DCAF1: variants seen among roughly 807,000 people sequenced by gnomAD.
The protein encoded by DCAF1 is DDB1 and CUL4 associated factor 1, also known as DDB1- and CUL4-associated factor 1.
A neutral mutation model predicts 128.0 loss-of-function variants in DCAF1; 15 were observed. That is an observed-to-expected ratio of 0.12 (90% CI 0.08 to 0.18). The LOEUF (loss-of-function observed/expected upper bound fraction) is 0.18. Among genes scored for constraint, DCAF1 ranks in the 10% least tolerant of loss-of-function variants. DCAF1 has a pLI of 1.00. For synonymous variants in DCAF1, 610 were observed against 603.0 expected, an observed-to-expected ratio of 1.01 and a Z score of -0.17; for missense variants, 988 against 1,649.5, an observed-to-expected ratio of 0.60 and a Z score of 6.95.
intron 9 of DCAF1, among the ~76,000 whole-genome samples, chr3:51,440,554 G>C (rs782413073): frequency 1.3e-5 from 2 of 152,066 alleles, no homozygotes; most frequent in African/African-American, 4.8e-5. Flanking sequence ...AGTGAGCTAT[G>C]ATCACCCCAT....
intron 24 of DCAF1, among the ~76,000 whole-genome samples, chr3:51,402,499 A>G (rs1386679164): frequency 6.6e-6 from 1 of 151,338 alleles, no homozygotes; most frequent in Non-Finnish European, 1.5e-5. Context: ...CGGATTGTCT[A>G]TGACTGCTTT....
At chr3:51,435,482 C>G (rs1700724393) in intron 9 of DCAF1, among the ~76,000 whole-genome samples, 1 of 152,170 alleles carries the variant, frequency 6.6e-6, no homozygotes, top group South Asian at 2.1e-4. Flanking sequence ...TTCCTCATTT[C>G]TATTCCATTT....
rs1553623805 is a variant in DCAF1 at position 51,398,410 on chromosome 3, A to G, written c.*359T>C. The G allele has an allele frequency of 5.5e-6, 1 of 180,510 alleles. No homozygotes were observed. Among genetic ancestry groups the G allele is most frequent in the Non-Finnish European group, 1.1e-5 (1 of 87,040 alleles). The allele number at this position is 180,510 out of a possible 1,614,324, so 11.2% of individuals were successfully genotyped here. ...TTTTTCCTTTTTAAAGTTTTATAAAAAACTATTTCTTGTTCTTTAAGTAAA... is the reference window on the plus strand; with the variant it reads ...TTTTTCCTTTTTAAAGTTTTATAAAGAACTATTTCTTGTTCTTTAAGTAAA... On this transcript the variant is annotated 3_prime_UTR_variant, in exon 25 of 25. Coordinates refer to ENST00000684031, the MANE Select transcript of DCAF1 (RefSeq NM_001387579.1).
At chr3:51,444,355 C>CT (rs1206206700) in intron 6 of DCAF1, among the ~76,000 whole-genome samples, 2 of 148,756 alleles carry the variant, frequency 1.3e-5, no homozygotes, top group Non-Finnish European at 3.0e-5. Context: ...TCAGAACCTT[C>CT]TTTTTAAAAA....
At chr3:51,419,588 CAA>C in intron 15 of DCAF1, 144 bp downstream of exon 15, 2 of 1,388,658 alleles carry the variant, frequency 1.4e-6, no homozygotes, top group South Asian at 3.1e-5. Flanking sequence ...CCATGGTTGA[CAA>C]AAGGTGGTAC....
At position 51,441,821 on chromosome 3, in the gene DCAF1, C is replaced by T; in HGVS notation, c.590G>A (p.Ser197Asn). 4.3e-6 allele frequency: 7 copies of T among 1,613,772 alleles called. No homozygotes were observed. The highest frequency in any genetic ancestry group is 5.9e-6 in the Non-Finnish European group (7 of 1,179,866). Reference sequence around the variant, plus strand: ...GGGTTCAGAAGAGAGCTTCCGTGGACTGGGACGCTTGTTTTCCTGCCGCAA... The same window carrying T: ...GGGTTCAGAAGAGAGCTTCCGTGGATTGGGACGCTTGTTTTCCTGCCGCAA... Reference protein sequence around the residue: ...VALRQENKRPSPRKLSSEPLL... With the variant: ...VALRQENKRPNPRKLSSEPLL... The change falls in exon 8 of 25, where the codon AGT becomes AAT. Residue 197 changes from serine to asparagine, a missense_variant. Coordinates refer to ENST00000684031, the MANE Select transcript of DCAF1 (RefSeq NM_001387579.1).
chr3:51,400,491 G>A (rs574579778), intron 24 of DCAF1, among the ~76,000 whole-genome samples: 2 of 152,328 alleles, frequency 1.3e-5, no homozygotes, highest in Non-Finnish European at 2.9e-5. Flanking sequence ...GCACATCTAA[G>A]AACTGTAAAT....
chr3:51,494,432 G>A (rs1708017572), intron 2 of DCAF1, among the ~76,000 whole-genome samples: 1 of 152,070 alleles, frequency 6.6e-6, no homozygotes, highest in Admixed American at 6.6e-5. Flanking sequence ...CTTTTAAGGT[G>A]ATAAAAATAT....
intron 10 of DCAF1, among the ~76,000 whole-genome samples, chr3:51,432,466 T>TG (rs1425744996): frequency 6.8e-6 from 1 of 146,788 alleles, no homozygotes; most frequent in Non-Finnish European, 1.5e-5. Context: ...TGTTGTGTGT[T>TG]TTTTTTTTTT....
chr3:51,453,094 G>C (rs1037463401), intron 6 of DCAF1, among the ~76,000 whole-genome samples: 1 of 151,540 alleles, frequency 6.6e-6, no homozygotes, highest in Non-Finnish European at 1.5e-5. Context: ...TTATCATCCT[G>C]ATTTTCAAAA....
chr3:51,459,510 T>C (rs201102657), intron 6 of DCAF1, among the ~76,000 whole-genome samples: 2 of 151,820 alleles, frequency 1.3e-5, no homozygotes, highest in South Asian at 2.1e-4. Flanking sequence ...CCTTCTGAAA[T>C]TATTCCAATC....
chr3:51,494,910 T>C (rs1403711062), intron 2 of DCAF1, among the ~76,000 whole-genome samples: 2 of 152,156 alleles, frequency 1.3e-5, no homozygotes, highest in Non-Finnish European at 1.5e-5. Context: ...TATATACTTC[T>C]GGTATCATTT....
upstream of DCAF1, among the ~76,000 whole-genome samples, chr3:51,504,278 C>T (rs553277293): frequency 3.3e-5 from 5 of 151,866 alleles, no homozygotes; most frequent in East Asian, 3.9e-4. Flanking sequence ...CCCCGTGATC[C>T]GCCCGCCTCT....
chr3:51,454,327 A>G (rs1236294310), intron 6 of DCAF1, among the ~76,000 whole-genome samples: 4 of 152,182 alleles, frequency 2.6e-5, no homozygotes, highest in African/African-American at 4.8e-5. Context: ...GGGATTACAG[A>G]TATGAGCCAA....
intron 3 of DCAF1, among the ~76,000 whole-genome samples, chr3:51,472,317 C>T (rs531287170): frequency 2.6e-5 from 4 of 152,312 alleles, no homozygotes; most frequent in South Asian, 4.1e-4. Context: ...TCCACCCCTG[C>T]CCCAAGTAAC....
chr3:51,439,348 A>G (rs1553637965), intron 9 of DCAF1, among the ~76,000 whole-genome samples: 2 of 151,512 alleles, frequency 1.3e-5, no homozygotes, highest in African/African-American at 4.9e-5. Flanking sequence ...AGCTGGTCTC[A>G]AACTCCTGGG....
intron 24 of DCAF1, among the ~76,000 whole-genome samples, chr3:51,401,550 A>G (rs2106816902): frequency 6.6e-6 from 1 of 152,374 alleles, no homozygotes; most frequent in South Asian, 2.1e-4. Context: ...CTCATAAAGT[A>G]ACAACATTCT....
At chr3:51,480,124 A>T (rs927951973) in intron 3 of DCAF1, among the ~76,000 whole-genome samples, 6 of 150,318 alleles carry the variant, frequency 4.0e-5, no homozygotes, top group Non-Finnish European at 7.4e-5. Context: ...AAAAAAAAAA[A>T]ATTTTTTTTA....
At chr3:51,457,977 C>A (rs1703109860) in intron 6 of DCAF1, among the ~76,000 whole-genome samples, 1 of 152,248 alleles carries the variant, frequency 6.6e-6, no homozygotes, top group African/African-American at 2.4e-5. Context: ...TTGTAAAGAC[C>A]ATTAACGCTA....
Sources: allele counts gnomAD v4.1 joint callset (sites outside exome capture counted in the v4.1 genomes callset), GRCh38; gene constraint gnomAD v4.1.1; transcripts MANE v1.5; gene names NCBI Gene and HGNC (gene_info 2026-07-23, HGNC 2026-07-21).